The following CXorf38 variants were observed in gnomAD, a reference collection of about 807,000 sequenced individuals.
CXorf38 encodes the protein chromosome X open reading frame 38.
CXorf38 carries 13 observed loss-of-function variants against 27.5 expected under a neutral mutation model. The ratio of observed to expected loss-of-function variants is 0.47; its 90% CI spans 0.31 to 0.75. The LOEUF is 0.75. Among genes scored for constraint, CXorf38 ranks in the 30% least tolerant of loss-of-function variants. CXorf38 has a pLI of 0.05. For missense variants in CXorf38, 240 were observed against 253.2 expected (o/e 0.95, Z 0.35); for synonymous variants, 100 against 99.8 (o/e 1.00, Z -0.01).
At chrX:40,642,517 A>T (rs143012155) in intron 2 of CXorf38, among the ~76,000 whole-genome samples, 1,693 of 111,649 alleles carry the variant, frequency 0.015, 18 homozygotes, top group Non-Finnish European at 0.025. Context: ...AGCCAGGGAG[A>T]TGGGAGGAAA....
intron 5 of CXorf38, among the ~76,000 whole-genome samples, chrX:40,632,707 T>C (rs939937495): frequency 1.8e-5 from 2 of 111,441 alleles, no homozygotes; most frequent in African/African-American, 6.5e-5. Flanking sequence ...ATGTAGAAAA[T>C]TCAGACTTGG....
At chrX:40,643,802 G>A (rs1307962826) in intron 2 of CXorf38, among the ~76,000 whole-genome samples, 1 of 111,853 alleles carries the variant, frequency 8.9e-6, no homozygotes, top group Non-Finnish European at 1.9e-5. Flanking sequence ...GAGCCACCGT[G>A]CCCCGCCTGG....
chrX:40,631,905 A>G (rs995005590), intron 5 of CXorf38, among the ~76,000 whole-genome samples: 2 of 111,499 alleles, frequency 1.8e-5, no homozygotes, highest in Non-Finnish European at 3.8e-5. Flanking sequence ...GGAGCTGCAG[A>G]TGATCAAAGG....
intron 5 of CXorf38, among the ~76,000 whole-genome samples, chrX:40,635,017 G>T (rs960224664): frequency 8.9e-6 from 1 of 112,235 alleles, no homozygotes; most frequent in Non-Finnish European, 1.9e-5. Context: ...GGAGACCTGC[G>T]GGCCAGCCCT....
At chrX:40,642,319 T>G (rs1928360249) in intron 2 of CXorf38, among the ~76,000 whole-genome samples, 1 of 111,116 alleles carries the variant, frequency 9.0e-6, no homozygotes, top group African/African-American at 3.3e-5. Context: ...AGGGGGCAAG[T>G]AAGCAGTTGG....
Position 40,644,039 on chromosome X carries a change from T to G in CXorf38, c.351+2968A>C, listed in dbSNP as rs778425242. 3.3e-4 allele frequency among the ~76,000 whole-genome samples: 37 copies of G among 112,305 alleles called. No individual in the cohort carries two copies. In the South Asian group the frequency reaches 0.013, roughly 41 times the overall value. On this transcript the variant is annotated intron_variant, in intron 2 of 6. Transcript: ENST00000327877. ...TTCCATTCATCAGCTGATGGGTATT[T>G]GGGTTGTTTCTACCTTTTGGCTATA...
At position 40,636,635 on chromosome X, in the gene CXorf38, G is replaced by A. The variant is rs140955665; in HGVS notation, c.699C>T (p.Tyr233=). 2.5e-5 allele frequency: 30 copies of A among 1,204,927 alleles called. No individual in the cohort carries two copies. Among genetic ancestry groups the A allele is most frequent in the Non-Finnish European group, 3.4e-5 (30 of 892,507 alleles). ...TTTCATTGACTTGGCTCTCACTCAG[G>A]TAAGTTCCCATTTCACATTCACACC... is the stretch of plus-strand genomic sequence containing the variant. ...RDGCECEMGT[Y]LSESQVNEIE... is the part of the protein sequence containing the mutation. The change falls in exon 5 of 7, where the codon TAC becomes TAT. Residue 233 remains tyrosine, a synonymous_variant. Coordinates refer to ENST00000327877, the MANE Select transcript of CXorf38 (RefSeq NM_144970.3).
intron 3 of CXorf38, among the ~76,000 whole-genome samples, chrX:40,638,250 G>A (rs1187262231): frequency 8.9e-6 from 1 of 112,007 alleles, no homozygotes; most frequent in African/African-American, 3.3e-5. Flanking sequence ...TTGGTTAAAA[G>A]ATATCAAAGG....
chrX:40,647,542 G>T lies in CXorf38; in HGVS notation c.-22C>A. ...CCATGTCTCCCACTTGGAACCAGGAGGTTGCGGGGCGTGGCGGACGGCAGT... is the reference window on the plus strand; with the variant it reads ...CCATGTCTCCCACTTGGAACCAGGATGTTGCGGGGCGTGGCGGACGGCAGT... On this transcript the variant is annotated 5_prime_UTR_variant, in exon 1 of 7. Transcript: ENST00000327877. 8.5e-7 allele frequency: 1 copy of T among 1,174,908 alleles called. No homozygotes were observed. The highest frequency in any genetic ancestry group is 1.1e-6 in the Non-Finnish European group (1 of 883,193).
chrX:40,639,109 A>G lies in CXorf38; in HGVS notation c.371T>C (p.Leu124Pro), dbSNP rs754012350. Residue 124 changes from leucine to proline, a missense_variant, in exon 3 of 7, where the codon CTA (leucine) becomes CCA (proline). Physicochemically the swap from Leu to Pro is moderately conservative, Grantham distance 98. Transcript: ENST00000327877. ...EVAKAFMPRG[L>P]ADKQGPEECD... ...TTCCTCAGGTCCTTGTTTGTCTGCT[A>G]GTCCTCGGGGCATGAAGGCCTATAG... 4.1e-6 allele frequency: 5 copies of G among 1,209,657 alleles called. No individual in the cohort carries two copies. The highest frequency in any genetic ancestry group is 5.6e-6 in the Non-Finnish European group (5 of 894,733).
chrX:40,633,988 C>T (rs1927947015), intron 5 of CXorf38, among the ~76,000 whole-genome samples: 1 of 111,014 alleles, frequency 9.0e-6, no homozygotes, highest in Non-Finnish European at 1.9e-5. Flanking sequence ...GCAGCTGCTA[C>T]TCCCATTTGG....
chrX:40,642,315 C>G (rs1928359934), intron 2 of CXorf38, among the ~76,000 whole-genome samples: 1 of 110,851 alleles, frequency 9.0e-6, no homozygotes, highest in Non-Finnish European at 1.9e-5. Flanking sequence ...GTGGAGGGGG[C>G]AAGTAAGCAG....
At chrX:40,632,132 C>T (rs1045673771) in intron 5 of CXorf38, among the ~76,000 whole-genome samples, 123 of 111,773 alleles carry the variant, frequency 1.1e-3, no homozygotes, top group African/African-American at 3.8e-3. Flanking sequence ...GTGACCGTGC[C>T]CGGTGCCCTA....
intron 2 of CXorf38, among the ~76,000 whole-genome samples, chrX:40,642,857 G>C (rs1479085865): frequency 9.2e-6 from 1 of 109,243 alleles, no homozygotes; most frequent in African/African-American, 3.4e-5. Context: ...CTGCAGCCTT[G>C]ACCTGCCGGG....
chrX:40,637,856 G>A (rs1396107420), intron 3 of CXorf38, among the ~76,000 whole-genome samples: 1 of 111,526 alleles, frequency 9.0e-6, no homozygotes, highest in Non-Finnish European at 1.9e-5. Flanking sequence ...GTAGGTACCT[G>A]TCAGTGCCGT....
At chrX:40,631,227 A>C (rs62586852) in intron 5 of CXorf38, among the ~76,000 whole-genome samples, 2 of 13,890 alleles carry the variant, frequency 1.4e-4, no homozygotes, top group Non-Finnish European at 5.7e-4. Context: ...ATACATGTGT[A>C]TATATATGTG....
chrX:40,633,280 T>C (rs1927912060), intron 5 of CXorf38, among the ~76,000 whole-genome samples: 1 of 110,657 alleles, frequency 9.0e-6, no homozygotes, highest in Non-Finnish European at 1.9e-5. Context: ...TCTCCCTCCA[T>C]TTCTCTGACC....
At chrX:40,633,536 A>G (rs1025454312) in intron 5 of CXorf38, among the ~76,000 whole-genome samples, 1 of 111,455 alleles carries the variant, frequency 9.0e-6, no homozygotes, top group African/African-American at 3.3e-5. Flanking sequence ...TGTCTCCCAG[A>G]TACTAAACAG....
At chrX:40,638,434 G>C (rs772871096) in intron 3 of CXorf38, among the ~76,000 whole-genome samples, 21 of 111,975 alleles carry the variant, frequency 1.9e-4, no homozygotes, top group Non-Finnish European at 2.8e-4. Flanking sequence ...TGTATGAGTT[G>C]TTCTCTGGTG....
Sources: gnomAD v4.1 joint callset for allele counts (sites outside exome capture counted in the v4.1 genomes callset) on GRCh38, gnomAD v4.1.1 for gene constraint, MANE v1.5 for transcripts, NCBI Gene and HGNC (gene_info 2026-07-23, HGNC 2026-07-21) for gene names.